Variants in FARSA observed in about 807,000 individuals in gnomAD.
FARSA encodes phenylalanyl-tRNA synthetase subunit alpha, also known as phenylalanine--tRNA ligase alpha subunit.
Under a neutral mutation model 63.2 loss-of-function variants are expected in FARSA, and 37 were observed. The observed-to-expected ratio is 0.59, with a 90% confidence interval of 0.45 to 0.77. The LOEUF (loss-of-function observed/expected upper bound fraction) is 0.77. Among genes scored for constraint, FARSA ranks in the 30% least tolerant of loss-of-function variants. The probability of loss-of-function intolerance (pLI) is 0.00; values close to 1 mark genes in which losing one functional copy is unlikely to be tolerated. For missense variants in FARSA, 618 were observed against 696.6 expected, an observed-to-expected ratio of 0.89 and a Z score of 1.27; for synonymous variants, 312 against 285.1, an observed-to-expected ratio of 1.09 and a Z score of -0.95.
Position 12,928,634 on chromosome 19 carries a change from G to A in FARSA, c.626C>T (p.Pro209Leu), listed in dbSNP as rs1971354355. 1 of 1,610,848 alleles carries A rather than the reference G, an allele frequency of 6.2e-7. No individual in the cohort carries two copies. The highest frequency in any genetic ancestry group is 8.5e-7 in the Non-Finnish European group (1 of 1,178,494). The part of the protein sequence containing the change: ...SGSWRDRPFK[P>L]YNFLAHGVLP... ...GACACCGTGGGCCAAGAAGTTGTAGGGCTTGAAGGGCCGGTCCCGCCAAGA... is the reference window on the plus strand; with the variant it reads ...GACACCGTGGGCCAAGAAGTTGTAGAGCTTGAAGGGCCGGTCCCGCCAAGA... Residue 209 changes from proline to leucine, a missense_variant, in exon 6 of 13, where the codon CCC becomes CTC. By Grantham distance (98) the Pro-to-Leu change is moderately conservative. Transcript: ENST00000314606.
chr19:12,922,656 A>G lies in FARSA; in HGVS notation c.*92T>C. On this transcript the variant is annotated 3_prime_UTR_variant, in exon 13 of 13. Coordinates refer to ENST00000314606, the MANE Select transcript of FARSA (RefSeq NM_004461.3). ...AGGAAGGTGGGGGCTGGCCTCACAG[A>G]GGCCTCATAAATACAAGGTCACTGG... 1 of 1,521,588 alleles carries G rather than the reference A, an allele frequency of 6.6e-7. No homozygotes were observed. 94.3% of individuals were successfully genotyped at this position (1,521,588 alleles called of 1,614,324 possible).
intron 4 of FARSA, among the ~76,000 whole-genome samples, chr19:12,929,309 C>T (rs866813912): frequency 2.0e-5 from 3 of 152,184 alleles, no homozygotes; most frequent in Non-Finnish European, 4.4e-5. Context: ...CAGATTCAAG[C>T]GATTCTCCTG....
intron 12 of FARSA, 40 bp from the exon 13 acceptor site, chr19:12,922,926 C>G: frequency 1.2e-6 from 2 of 1,613,284 alleles, no homozygotes; most frequent in East Asian, 2.2e-5. Context: ...GAGGTCAGCA[C>G]GTGCACCCTT....
chr19:12,928,862 A>C lies in FARSA; in HGVS notation c.504-15T>G, dbSNP rs747820953. On this transcript the variant is annotated splice_polypyrimidine_tract_variant and intron_variant, in intron 4 of 12. Transcript: ENST00000314606. The stretch of plus-strand genomic sequence containing the variant: ...TCTTCAGAGTCCTGTGGCCAGGGGA[A>C]GGAAGGGGACGCCACTGCCATCTCC... The C allele has an allele frequency of 6.2e-7, 1 of 1,612,914 alleles. No individual in the cohort carries two copies. Among genetic ancestry groups the C allele is most frequent in the South Asian group, 1.1e-5 (1 of 91,040 alleles).
intron 8 of FARSA, 43 bp downstream of exon 8, chr19:12,925,047 C>G: frequency 6.2e-7 from 1 of 1,612,176 alleles, no homozygotes; most frequent in Non-Finnish European, 8.5e-7. Context: ...GCCCAGGGGT[C>G]CCCAGCCTCC....
At chr19:12,933,425 G>T in intron 1 of FARSA, 125 bp downstream of exon 1, 1 of 1,128,854 alleles carries the variant, frequency 8.9e-7, no homozygotes, top group East Asian at 2.8e-5. Context: ...GCACATCCCG[G>T]AGTGGACACA....
Position 12,928,585 on chromosome 19 carries a change from G to A in FARSA, c.675C>T (p.His225=), listed in dbSNP as rs1252859419. Residue 225 remains histidine, a synonymous_variant, in exon 6 of 13, where the codon CAC becomes CAT. Transcript: ENST00000314606. ...ACTGGGAGCGGACCTTGAGCAGCGG[G>A]TGAAGGTGGCCGCTGTCGGGGAGGA... ...HGVLPDSGHL[H]PLLKVRSQFR... 6.2e-7 allele frequency: 1 copy of A among 1,613,760 alleles called. No individual in the cohort carries two copies. Among genetic ancestry groups the A allele is most frequent in the Admixed American group, 1.7e-5 (1 of 59,970 alleles).
intron 7 of FARSA, 31 bp downstream of exon 7, chr19:12,928,309 CAT>C (rs1397014602): frequency 1.3e-6 from 2 of 1,574,622 alleles, no homozygotes; most frequent in Middle Eastern, 1.7e-4. Flanking sequence ...TGGTGTCTCT[CAT>C]GTCTCAGGGA....
In FARSA at chr19:12,924,314, G is replaced by A; in HGVS notation, c.1274-49C>T. The A allele has an allele frequency of 1.9e-6, 3 of 1,566,072 alleles. No individual in the cohort carries two copies. The highest frequency in any genetic ancestry group is 2.6e-6 in the Non-Finnish European group (3 of 1,137,652). ...CGGGCAGTGCGTGTTGAGTTTCTGG[G>A]CACTGCTGGTACAGGTTCTGGGTCT... is the stretch of plus-strand genomic sequence containing the variant. On this transcript the variant is annotated intron_variant, in intron 11 of 12. Coordinates refer to ENST00000314606, the MANE Select transcript of FARSA (RefSeq NM_004461.3). The surrounding 1 kb of genome is among the most constrained non-coding windows in gnomAD (Gnocchi z 6.4).
chr19:12,933,501 G>C (rs751932107), intron 1 of FARSA, 49 bp downstream of exon 1: 1 of 1,527,852 alleles, frequency 6.5e-7, no homozygotes, highest in East Asian at 2.5e-5. Flanking sequence ...GTGGCAAGGG[G>C]ACTGTAGGTG....
Position 12,933,359 on chromosome 19 carries a change from T to G in FARSA, c.147+191A>C, listed in dbSNP as rs530846417. On this transcript the variant is annotated intron_variant, in intron 1 of 12. Transcript: ENST00000314606. Reference sequence around the variant, plus strand: ...ACGCTGACCGTGCCTCAATAAACGTTTATTGCATGAGGAACATCCGTGCGT... The same window carrying G: ...ACGCTGACCGTGCCTCAATAAACGTGTATTGCATGAGGAACATCCGTGCGT... The G allele has an allele frequency of 6.3e-6, 4 of 635,048 alleles. No homozygotes were observed. In the East Asian group the frequency reaches 1.3e-4, roughly 20 times the overall value. 39.3% of individuals were successfully genotyped at this position (635,048 alleles called of 1,614,324 possible). A position where few individuals can be genotyped will look rare whatever the true frequency, so the allele number is the denominator to read the frequency against.
chr19:12,927,146 G>A (rs1454968436), intron 7 of FARSA, among the ~76,000 whole-genome samples: 1 of 152,166 alleles, frequency 6.6e-6, no homozygotes, highest in Admixed American at 6.5e-5. Flanking sequence ...TAGAACTCGG[G>A]GTGAGCCCGG....
chr19:12,930,876 C>G, intron 1 of FARSA, 127 bp from the exon 2 acceptor site: 1 of 1,095,428 alleles, frequency 9.1e-7, no homozygotes, highest in Non-Finnish European at 1.3e-6. Flanking sequence ...CCCAGCTATA[C>G]AACTTTACAG....
At chr19:12,928,319 G>T in intron 7 of FARSA, 23 bp downstream of exon 7, 1 of 1,596,432 alleles carries the variant, frequency 6.3e-7, no homozygotes, top group South Asian at 1.1e-5. Context: ...CATGTCTCAG[G>T]GAGGCCCTAG....
chr19:12,923,602 C>T (rs1246605589), intron 12 of FARSA, among the ~76,000 whole-genome samples: 1 of 152,182 alleles, frequency 6.6e-6, no homozygotes, highest in East Asian at 1.9e-4. Context: ...GCCTCAGCCT[C>T]CTAAGTAGCT....
chr19:12,926,794 T>C (rs1360626673), intron 7 of FARSA, among the ~76,000 whole-genome samples: 1 of 152,206 alleles, frequency 6.6e-6, no homozygotes, highest in East Asian at 1.9e-4. Context: ...CAAGCGATCC[T>C]CCTCCCTTGC....
At position 12,922,736 on chromosome 19, in the gene FARSA, G is replaced by C. The variant is rs765689131; in HGVS notation, c.*12C>G. 1.2e-6 allele frequency: 2 copies of C among 1,613,202 alleles called. No individual in the cohort carries two copies. Among genetic ancestry groups the C allele is most frequent in the Non-Finnish European group, 8.5e-7 (1 of 1,179,990 alleles). ...GACTCGGGGAGGATGACCTGTCCTA[G>C]AGTGGCCCATGTCACGCAGCCTCCT... On this transcript the variant is annotated 3_prime_UTR_variant, in exon 13 of 13. Coordinates refer to ENST00000314606, the MANE Select transcript of FARSA (RefSeq NM_004461.3).
chr19:12,932,641 T>A (rs1568446185), intron 1 of FARSA, among the ~76,000 whole-genome samples: 1 of 152,186 alleles, frequency 6.6e-6, no homozygotes, highest in Non-Finnish European at 1.5e-5. Context: ...TGGAATGGAT[T>A]GGACAAACAA....
intron 1 of FARSA, among the ~76,000 whole-genome samples, chr19:12,932,077 C>T (rs1190534377): frequency 2.9e-5 from 4 of 136,680 alleles, no homozygotes; most frequent in Non-Finnish European, 6.1e-5. Context: ...CTCGCTCTGT[C>T]GCCCAGGCTG....
Sources: gnomAD v4.1 joint callset for allele counts (sites outside exome capture counted in the v4.1 genomes callset) on GRCh38, gnomAD v4.1.1 for gene constraint, Gnocchi (gnomAD v3.1) non-coding constraint, MANE v1.5 for transcripts, NCBI Gene and HGNC (gene_info 2026-07-23, HGNC 2026-07-21) for gene names.